Variants in EIF4G3 observed in about 807,000 individuals in gnomAD.
The protein encoded by EIF4G3 is eukaryotic translation initiation factor 4 gamma 3.
In EIF4G3, 34 loss-of-function variants were observed where a neutral mutation model predicts 186.4. That is an observed-to-expected ratio of 0.18 (90% CI 0.14 to 0.24). EIF4G3 has a LOEUF of 0.24. EIF4G3 is among the 10% of genes least tolerant of loss of function. The pLI is 1.00. For missense variants in EIF4G3, 1,536 were observed against 1,948.5 expected, an observed-to-expected ratio of 0.79 and a Z score of 3.99; for synonymous variants, 673 against 679.5, an observed-to-expected ratio of 0.99 and a Z score of 0.15.
chr1:20,873,565 T>C lies in EIF4G3; in HGVS notation c.2622+5758A>G, dbSNP rs144746874. Among the ~76,000 whole-genome samples the C allele has an allele frequency of 1.5e-4, 23 of 152,194 alleles. No homozygotes were observed. In the East Asian group the frequency reaches 3.5e-3, roughly 23 times the overall value. On this transcript the variant is annotated intron_variant, in intron 20 of 36. Transcript: ENST00000602326. ...GAACATCTTCAACATTATTGCCCAA[T>C]TGCCCTCATAAATGGTTATATTCGT...
At chr1:20,920,159 A>C (rs1273930135) in intron 14 of EIF4G3, among the ~76,000 whole-genome samples, 1 of 151,662 alleles carries the variant, frequency 6.6e-6, no homozygotes. Flanking sequence ...GCCCGCCTCG[A>C]CCTCCCAAAG....
chr1:20,887,393 C>A (rs1297157577), intron 18 of EIF4G3, among the ~76,000 whole-genome samples: 1 of 152,124 alleles, frequency 6.6e-6, no homozygotes, highest in South Asian at 2.1e-4. Flanking sequence ...ACTTTAATGT[C>A]ATTCATTACA....
intron 4 of EIF4G3, among the ~76,000 whole-genome samples, chr1:21,003,171 C>CA (rs2084022989): frequency 9.4e-6 from 1 of 105,992 alleles, no homozygotes; most frequent in Non-Finnish European, 2.1e-5. Flanking sequence ...TAATTTTTTT[C>CA]TTTTTTTTTT....
At chr1:20,953,237 GT>G (rs1418114343) in intron 12 of EIF4G3, among the ~76,000 whole-genome samples, 1 of 152,120 alleles carries the variant, frequency 6.6e-6, no homozygotes, top group Non-Finnish European at 1.5e-5. Flanking sequence ...TTCGCACACT[GT>G]TGCAACAGCT....
chr1:20,858,956 A>T (rs2075730633), intron 24 of EIF4G3, among the ~76,000 whole-genome samples: 1 of 152,234 alleles, frequency 6.6e-6, no homozygotes, highest in South Asian at 2.1e-4. Flanking sequence ...AGATCGCGCT[A>T]CTGCACTCCA....
chr1:20,888,894 T>G (rs2085066642), intron 18 of EIF4G3, among the ~76,000 whole-genome samples: 1 of 152,030 alleles, frequency 6.6e-6, no homozygotes, highest in Non-Finnish European at 1.5e-5. Context: ...ATTTATATAC[T>G]AAACACACAA....
chr1:21,066,352 A>G (rs1315883350), intron 3 of EIF4G3, among the ~76,000 whole-genome samples: 2 of 152,078 alleles, frequency 1.3e-5, no homozygotes, highest in East Asian at 3.8e-4. Context: ...TACTAAACAA[A>G]TGCTTATTGA....
intron 2 of EIF4G3, among the ~76,000 whole-genome samples, chr1:21,164,972 G>C (rs1239243208): frequency 6.6e-6 from 1 of 152,074 alleles, no homozygotes. Flanking sequence ...ACAATAAAAA[G>C]ACATATGACC....
intron 34 of EIF4G3, among the ~76,000 whole-genome samples, chr1:20,816,429 G>T (rs1327980564): frequency 1.1e-4 from 13 of 115,732 alleles, no homozygotes; most frequent in Non-Finnish European, 2.0e-4. Context: ...GCCTCTGCCC[G>T]GCCGCCCCTA....
chr1:21,152,610 T>C (rs931074531), intron 2 of EIF4G3, among the ~76,000 whole-genome samples: 1 of 152,212 alleles, frequency 6.6e-6, no homozygotes, highest in Admixed American at 6.5e-5. Flanking sequence ...TGAGCTGGTA[T>C]CTACTACCAT....
chr1:20,884,252 C>T (rs1297264879), intron 19 of EIF4G3, among the ~76,000 whole-genome samples: 1 of 152,150 alleles, frequency 6.6e-6, no homozygotes, highest in East Asian at 1.9e-4. Context: ...GATAATTATT[C>T]TGTTTCTGAA....
chr1:20,949,649 G>A (rs532028028), intron 13 of EIF4G3, among the ~76,000 whole-genome samples: 1 of 152,248 alleles, frequency 6.6e-6, no homozygotes, highest in South Asian at 2.1e-4. Flanking sequence ...GATACCTAGG[G>A]ACATGCTGAA....
chr1:21,016,564 G>C (rs908011579), intron 4 of EIF4G3, among the ~76,000 whole-genome samples: 2 of 152,072 alleles, frequency 1.3e-5, no homozygotes, highest in African/African-American at 4.8e-5. Flanking sequence ...TACTCCTGTA[G>C]TCTCAGCTAC....
intron 18 of EIF4G3, among the ~76,000 whole-genome samples, chr1:20,888,463 A>G (rs951472958): frequency 1.3e-5 from 2 of 152,184 alleles, no homozygotes; most frequent in Non-Finnish European, 2.9e-5. Flanking sequence ...CAAATTCTTA[A>G]TATGTTCAAT....
At chr1:20,961,903 A>C (rs2096578625) in intron 12 of EIF4G3, among the ~76,000 whole-genome samples, 1 of 152,232 alleles carries the variant, frequency 6.6e-6, no homozygotes, top group African/African-American at 2.4e-5. Context: ...GTCACCACTA[A>C]AACAAAAACC....
At chr1:20,862,519 G>A (rs1306776174) in intron 22 of EIF4G3, among the ~76,000 whole-genome samples, 187 bp from the exon 23 acceptor site, 3 of 152,060 alleles carry the variant, frequency 2.0e-5, no homozygotes, top group African/African-American at 4.8e-5. Context: ...AGGCTCAACC[G>A]ATCCCACCTC....
In EIF4G3 at chr1:21,007,533, AAAAAC is replaced by A. The variant is rs1355040539; in HGVS notation, c.-66-4730_-66-4726del. On this transcript the variant is annotated intron_variant, in intron 4 of 36. Coordinates refer to ENST00000602326, the MANE Select transcript of EIF4G3 (RefSeq NM_001391906.1). ...CCCTCCTTAAAAAAAAAAAAAAAAAAAAAACACACTCAAAAACAAAAAAACTGGAA... is the reference window on the plus strand; with the variant it reads ...CCCTCCTTAAAAAAAAAAAAAAAAAAACACTCAAAAACAAAAAAACTGGAA... 6.7e-4 allele frequency among the ~76,000 whole-genome samples: 93 copies of A among 138,226 alleles called. 5 individuals carry two copies. Among genetic ancestry groups the A allele is most frequent in the East Asian group, 4.4e-3 (22 of 5,032 alleles). 90.7% of individuals were successfully genotyped at this position (138,226 alleles called of 152,430 possible).
At chr1:20,955,032 T>A (rs1238393627) in intron 12 of EIF4G3, among the ~76,000 whole-genome samples, 1 of 152,106 alleles carries the variant, frequency 6.6e-6, no homozygotes, top group Non-Finnish European at 1.5e-5. Flanking sequence ...GGAAGAGTAT[T>A]CCATGATCAA....
chr1:20,908,241 G>GT (rs1239380837), intron 14 of EIF4G3, among the ~76,000 whole-genome samples: 3 of 152,022 alleles, frequency 2.0e-5, no homozygotes, highest in Non-Finnish European at 2.9e-5. Context: ...TGATGGGGTT[G>GT]TTTTTTTCTT....
Sources: allele counts gnomAD v4.1 joint callset (sites outside exome capture counted in the v4.1 genomes callset), GRCh38; gene constraint gnomAD v4.1.1; transcripts MANE v1.5; gene names NCBI Gene and HGNC (gene_info 2026-07-23, HGNC 2026-07-21).